The following MAN2A1 variants were observed in gnomAD, a reference collection of about 807,000 sequenced individuals.
The protein encoded by MAN2A1 is alpha-mannosidase 2.
Under a neutral mutation model 142.6 loss-of-function variants are expected in MAN2A1, and 76 were observed. That is an observed-to-expected ratio of 0.53 (90% confidence interval 0.44 to 0.65). The LOEUF (loss-of-function observed/expected upper bound fraction) is 0.65, where lower values mean the gene tolerates loss of function less well. MAN2A1 is among the 30% of genes least tolerant of loss of function. MAN2A1 has a pLI of 0.00. For missense variants in MAN2A1, 1,311 were observed against 1,365.1 expected, an observed-to-expected ratio of 0.96 and a Z score of 0.62; for synonymous variants, 559 against 473.2, an observed-to-expected ratio of 1.18 and a Z score of -2.35.
Position 109,690,135 on chromosome 5 carries a change from G to A in MAN2A1, c.-283G>A. 1 of 387,732 alleles carries A rather than the reference G, an allele frequency of 2.6e-6. No homozygotes were observed. The highest frequency in any genetic ancestry group is 4.8e-6 in the Non-Finnish European group (1 of 209,214). The allele number at this position is 387,732 out of a possible 1,614,324, so 24.0% of individuals were successfully genotyped here. A position where few individuals can be genotyped will look rare whatever the true frequency, so the allele number is the denominator to read the frequency against. ...CCTGCCGGAGGTCGGCGCTGAGCTT[G>A]CGATCAAGTTTGTGGGGGCCCCCCT... On this transcript the variant is annotated 5_prime_UTR_variant, in exon 1 of 22. Transcript: ENST00000261483.
chr5:109,812,960 T>C (rs912856813), intron 12 of MAN2A1, among the ~76,000 whole-genome samples: 1 of 152,216 alleles, frequency 6.6e-6, no homozygotes, highest in African/African-American at 2.4e-5. Context: ...TTTTGGTGTT[T>C]GCTTAACTGA....
chr5:109,856,922 G>GA (rs1202405490), intron 20 of MAN2A1, among the ~76,000 whole-genome samples: 3 of 152,122 alleles, frequency 2.0e-5, no homozygotes, highest in African/African-American at 7.2e-5. Context: ...AATGGGAGGA[G>GA]AAAAACAAGA....
At chr5:109,778,196 T>G (rs1423220879) in intron 8 of MAN2A1, among the ~76,000 whole-genome samples, 1 of 152,082 alleles carries the variant, frequency 6.6e-6, no homozygotes, top group Non-Finnish European at 1.5e-5. Context: ...CGTGGTGTAT[T>G]TTGTGTATTA....
intron 4 of MAN2A1, among the ~76,000 whole-genome samples, chr5:109,744,948 TACAC>T (rs1420483198): frequency 2.0e-5 from 3 of 152,110 alleles, no homozygotes; most frequent in South Asian, 2.1e-4. Context: ...ATTACTGAAA[TACAC>T]AGTAATATGG....
rs77606831 is a variant in MAN2A1, at chr5:109,718,086, T to C, written c.535+1822T>C. 7.0e-3 allele frequency among the ~76,000 whole-genome samples: 1,073 copies of C among 152,292 alleles called. 20 individuals carry two copies. The highest frequency in any genetic ancestry group is 0.024 in the African/African-American group (1,001 of 41,558). On this transcript the variant is annotated intron_variant, in intron 3 of 21. Coordinates refer to ENST00000261483, the MANE Select transcript of MAN2A1 (RefSeq NM_002372.4). ...TGAGTGAAATGGTGGCAGAGCCACTTGTAATATCTAAGTTGTTCTCCCTTC... is the reference window on the plus strand; with the variant it reads ...TGAGTGAAATGGTGGCAGAGCCACTCGTAATATCTAAGTTGTTCTCCCTTC...
intron 19 of MAN2A1, among the ~76,000 whole-genome samples, chr5:109,851,141 G>T (rs1755471320): frequency 6.6e-6 from 1 of 152,204 alleles, no homozygotes; most frequent in Non-Finnish European, 1.5e-5. Flanking sequence ...CTAAGTGGAA[G>T]TAAGTCCTGT....
At chr5:109,792,695 A>T (rs1397489013) in intron 12 of MAN2A1, among the ~76,000 whole-genome samples, 2 of 152,048 alleles carry the variant, frequency 1.3e-5, no homozygotes, top group Non-Finnish European at 2.9e-5. Context: ...CATTGCAGGC[A>T]ATTGGAGATT....
intron 5 of MAN2A1, among the ~76,000 whole-genome samples, chr5:109,757,923 A>G (rs1413045964): frequency 6.6e-6 from 1 of 152,072 alleles, no homozygotes; most frequent in Non-Finnish European, 1.5e-5. Context: ...GATATACCAG[A>G]TTTGTTTATC....
chr5:109,749,010 T>C (rs749600015), intron 4 of MAN2A1, among the ~76,000 whole-genome samples: 8 of 152,164 alleles, frequency 5.3e-5, no homozygotes, highest in East Asian at 3.9e-4. Flanking sequence ...TTCTGTGTTT[T>C]TGAATTTTTC....
chr5:109,804,525 T>C (rs1384104985), intron 12 of MAN2A1, among the ~76,000 whole-genome samples: 1 of 152,108 alleles, frequency 6.6e-6, no homozygotes. Flanking sequence ...CCTTGTGACA[T>C]TGTGTTTGCA....
At position 109,781,569 on chromosome 5, in the gene MAN2A1, A is replaced by G; in HGVS notation, c.1548A>G (p.Arg516=). The G allele has an allele frequency of 6.2e-7, 1 of 1,606,464 alleles. No individual in the cohort carries two copies. The highest frequency in any genetic ancestry group is 1.7e-4 in the Middle Eastern group (1 of 6,028). ...TTACATCCAGACCCTTTTACAAACG[A>G]ATGGACAGAATCATGGAATCTCATT... is the stretch of plus-strand genomic sequence containing the variant. ...GYFTSRPFYK[R]MDRIMESHLR... Residue 516 remains arginine (R), a synonymous_variant, in exon 9 of 22, where the codon CGA becomes CGG. Transcript: ENST00000261483.
At chr5:109,831,114 A>G (rs1401172816) in intron 16 of MAN2A1, among the ~76,000 whole-genome samples, 1 of 152,232 alleles carries the variant, frequency 6.6e-6, no homozygotes, top group Non-Finnish European at 1.5e-5. Flanking sequence ...TCTGCCACTT[A>G]GCAGCTGTTT....
At chr5:109,762,188 T>C (rs1016203431) in intron 5 of MAN2A1, among the ~76,000 whole-genome samples, 4 of 152,184 alleles carry the variant, frequency 2.6e-5, no homozygotes, top group Non-Finnish European at 5.9e-5. Context: ...GTAAAGTGTT[T>C]AAAGCTATCT....
chr5:109,717,559 A>G (rs555143212), intron 3 of MAN2A1, among the ~76,000 whole-genome samples: 186 of 152,316 alleles, frequency 1.2e-3, no homozygotes, highest in Middle Eastern at 6.8e-3. Flanking sequence ...TTTCCTACAT[A>G]TACCTGTTAG....
At chr5:109,747,030 A>G (rs1752427174) in intron 4 of MAN2A1, among the ~76,000 whole-genome samples, 1 of 152,198 alleles carries the variant, frequency 6.6e-6, no homozygotes, top group Admixed American at 6.5e-5. Flanking sequence ...CCAACCTAAT[A>G]CATACCACAG....
intron 12 of MAN2A1, among the ~76,000 whole-genome samples, chr5:109,798,458 G>T (rs527817845): frequency 1.3e-5 from 2 of 152,084 alleles, no homozygotes; most frequent in East Asian, 1.9e-4. Flanking sequence ...TGTTTAAAAC[G>T]GAACTCCTCT....
In MAN2A1 at chr5:109,716,164, T is replaced by C. The variant is rs1210762758; in HGVS notation, c.435T>C (p.Gly145=). 6.2e-7 allele frequency: 1 copy of C among 1,612,224 alleles called. No individual in the cohort carries two copies. Among genetic ancestry groups the C allele is most frequent in the Non-Finnish European group, 8.5e-7 (1 of 1,178,604 alleles). The change falls in exon 3 of 22, where the codon GGT becomes GGC. Residue 145 remains glycine, a synonymous_variant. Coordinates refer to ENST00000261483, the MANE Select transcript of MAN2A1 (RefSeq NM_002372.4). The part of the protein sequence containing the change: ...YSLISFDNPD[G]GVWKQGFDIT... ...TAATTTCTTTTGACAATCCAGATGG[T>C]GGAGTTTGGAAGCAAGGATTTGACA...
At chr5:109,832,753 G>A (rs1580299291) in intron 16 of MAN2A1, among the ~76,000 whole-genome samples, 1 of 151,424 alleles carries the variant, frequency 6.6e-6, no homozygotes, top group South Asian at 2.1e-4. Context: ...GGATGGGGCG[G>A]CTGGCCGGGC....
chr5:109,807,007 A>G (rs1356031906), intron 12 of MAN2A1, among the ~76,000 whole-genome samples: 1 of 152,208 alleles, frequency 6.6e-6, no homozygotes, highest in Non-Finnish European at 1.5e-5. Flanking sequence ...TCTAATTTTT[A>G]TTGCTGAAAG....
Sources: allele counts gnomAD v4.1 joint callset (sites outside exome capture counted in the v4.1 genomes callset), GRCh38; gene constraint gnomAD v4.1.1; transcripts MANE v1.5; gene names NCBI Gene and HGNC (gene_info 2026-07-23, HGNC 2026-07-21).